The following ITGA7 variants were observed in gnomAD, a reference collection of about 807,000 sequenced individuals.
The protein encoded by ITGA7 is integrin subunit alpha 7, also known as integrin alpha-7.
A neutral mutation model predicts 131.6 loss-of-function variants in ITGA7; 84 were observed. The ratio of observed to expected loss-of-function variants is 0.64; its 90% CI spans 0.54 to 0.77. The LOEUF is 0.77. ITGA7 is among the 30% of genes least tolerant of loss of function. The pLI, the probability that ITGA7 is intolerant of heterozygous loss-of-function variation, is 0.00. For synonymous variants in ITGA7, 548 were observed against 600.7 expected (o/e 0.91, Z 1.28); for missense variants, 1,399 against 1,482.9 (o/e 0.94, Z 0.93).
chr12:55,693,937 C>T, intron 19 of ITGA7, 84 bp downstream of exon 19: 1 of 1,125,694 alleles, frequency 8.9e-7, no homozygotes, highest in Non-Finnish European at 1.3e-6. Context: ...GTAGAAGAGC[C>T]CCAGCCCTGG....
chr12:55,702,265 C>T (rs1472486560), intron 3 of ITGA7, among the ~76,000 whole-genome samples: 2 of 152,086 alleles, frequency 1.3e-5, no homozygotes, highest in Non-Finnish European at 2.9e-5. Flanking sequence ...CTGCAAGCTC[C>T]GCCTCTCCGG....
In ITGA7 at chr12:55,693,260, A is replaced by ATCT. The variant is rs1240535138; in HGVS notation, c.2592_2593insAGA (p.Met864_Trp865insArg). 6.2e-7 allele frequency: 1 copy of ATCT among 1,614,072 alleles called. No individual in the cohort carries two copies. Among genetic ancestry groups the ATCT allele is most frequent in the Middle Eastern group, 1.6e-4 (1 of 6,062 alleles). On this transcript the variant is annotated inframe_insertion, in exon 20 of 25. Coordinates refer to ENST00000257879, the MANE Select transcript of ITGA7 (RefSeq NM_002206.3). ...TTCCCATTGGCAATCTCATGAGGCCACATGATGTTGAGGAAGGCAGAGCCC... is the reference window on the plus strand; with the variant it reads ...TTCCCATTGGCAATCTCATGAGGCCATCTCATGATGTTGAGGAAGGCAGAGCCC...
chr12:55,702,240 C>T (rs532455909), intron 3 of ITGA7, among the ~76,000 whole-genome samples: 1 of 150,570 alleles, frequency 6.6e-6, no homozygotes. Context: ...AGCGCAGTGG[C>T]GCGATCTCAG....
intron 4 of ITGA7, 24 bp downstream of exon 4, chr12:55,700,875 T>C (rs752405760): frequency 6.2e-7 from 1 of 1,614,046 alleles, no homozygotes; most frequent in African/African-American, 1.3e-5. Context: ...GGTCCCCTTC[T>C]CCCCTTCCCG....
chr12:55,700,346 G>A, intron 4 of ITGA7: 1 of 1,610,782 alleles, frequency 6.2e-7, no homozygotes, highest in African/African-American at 1.3e-5. Flanking sequence ...TCGTCCAGGT[G>A]TGCCAGGTCC....
intron 14 of ITGA7, 76 bp from the exon 15 acceptor site, chr12:55,695,046 A>T: frequency 1.4e-6 from 2 of 1,411,192 alleles, no homozygotes; most frequent in Non-Finnish European, 1.9e-6. Flanking sequence ...CTGCTCCCCC[A>T]GTACCTGCCT....
In ITGA7 at chr12:55,697,687, G is replaced by A; in HGVS notation, c.1409+8C>T. The A allele has an allele frequency of 7.4e-6, 12 of 1,614,112 alleles. No individual in the cohort carries two copies. Among genetic ancestry groups the A allele is most frequent in the Non-Finnish European group, 9.3e-6 (11 of 1,180,000 alleles). On this transcript the variant is annotated splice_region_variant and intron_variant, in intron 9 of 24. Coordinates refer to ENST00000257879, the MANE Select transcript of ITGA7 (RefSeq NM_002206.3). ...CCTCAGGGAGGGAAAAGGTTGAGAG[G>A]GGCTCACCTGAAGAGCACTGCGGTG...
chr12:55,701,259 T>TCACATGCACATGCACATG lies in ITGA7; in HGVS notation c.415-123_415-106dup, dbSNP rs373790389. 5 of 1,562,456 alleles carry TCACATGCACATGCACATG rather than the reference T, an allele frequency of 3.2e-6. No homozygotes were observed. In the African/African-American group the frequency reaches 6.9e-5, roughly 22 times the overall value. ...TTGGCAGATACTGATACATGTGTGC[T>TCACATGCACATGCACATG]CACATGCACATGCACATGCACACAT... On this transcript the variant is annotated intron_variant, in intron 3 of 24. Transcript: ENST00000257879.
intron 21 of ITGA7, among the ~76,000 whole-genome samples, chr12:55,691,971 A>G (rs1407508708): frequency 6.6e-6 from 1 of 152,202 alleles, no homozygotes; most frequent in Non-Finnish European, 1.5e-5. Flanking sequence ...GGAGGGGCAC[A>G]GAGCATGTGC....
chr12:55,708,432 C>T (rs974906555), upstream of ITGA7, among the ~76,000 whole-genome samples: 12 of 152,028 alleles, frequency 7.9e-5, no homozygotes, highest in Non-Finnish European at 1.3e-4. Context: ...TCCCCCGCCC[C>T]CAGCCCGGCA....
At chr12:55,693,540 T>C (rs1411012741) in intron 19 of ITGA7, among the ~76,000 whole-genome samples, 2 of 151,124 alleles carry the variant, frequency 1.3e-5, no homozygotes, top group Non-Finnish European at 3.0e-5. Flanking sequence ...TCCACAGAGA[T>C]GGAAGGAACA....
upstream of ITGA7, among the ~76,000 whole-genome samples, chr12:55,708,770 C>T (rs560748798): frequency 6.6e-5 from 10 of 152,288 alleles, no homozygotes; most frequent in Admixed American, 5.9e-4. Flanking sequence ...CGTCCCAGGA[C>T]TGCACATTTC....
At chr12:55,699,767 T>C (rs1873534761) in intron 5 of ITGA7, 103 bp downstream of exon 5, 4 of 1,367,068 alleles carry the variant, frequency 2.9e-6, no homozygotes, top group African/African-American at 1.4e-5. Context: ...TGGGTGTGTG[T>C]TGGGGGAGGA....
In ITGA7 at chr12:55,707,695, G is replaced by C. The variant is rs1362076899; in HGVS notation, c.-13C>G. 1.9e-6 allele frequency: 3 copies of C among 1,561,574 alleles called. No individual in the cohort carries two copies. The highest frequency in any genetic ancestry group is 2.6e-6 in the Non-Finnish European group (3 of 1,152,708). On this transcript the variant is annotated 5_prime_UTR_variant, in exon 1 of 25. Transcript: ENST00000257879. ...GAGCCCCGGCCATGGGACGATCCCT[G>C]CGCGAGCTCCCAGCGAATGCAAGGG...
chr12:55,690,724 A>G (rs1299479266), intron 21 of ITGA7, among the ~76,000 whole-genome samples: 1 of 148,438 alleles, frequency 6.7e-6, no homozygotes, highest in African/African-American at 2.5e-5. Flanking sequence ...AACCAACCCA[A>G]ATGTCCAACA....
At chr12:55,692,243 C>T (rs1871581834) in intron 21 of ITGA7, among the ~76,000 whole-genome samples, 2 of 152,082 alleles carry the variant, frequency 1.3e-5, no homozygotes, top group Admixed American at 1.3e-4. Context: ...ATGGTGAAAC[C>T]CCGTCTCTAC....
At position 55,707,819 on chromosome 12, in the gene ITGA7, A is replaced by AGGGCC; in HGVS notation, c.-138_-137insGGCCC. ...ACGTCTCCCAGACGTTCGCCCCGCC[A>AGGGCC]GCCCTCCCGCCCGCCCGCCGCTCCG... On this transcript the variant is annotated 5_prime_UTR_variant, in exon 1 of 25. Transcript: ENST00000257879. The AGGGCC allele has an allele frequency of 1.4e-6, 2 of 1,380,076 alleles. No individual in the cohort carries two copies. The highest frequency in any genetic ancestry group is 1.9e-6 in the Non-Finnish European group (2 of 1,050,514). The allele number at this position is 1,380,076 out of a possible 1,614,324, so 85.5% of individuals were successfully genotyped here.
intron 3 of ITGA7, 143 bp from the exon 4 acceptor site, chr12:55,701,297 C>T: frequency 1.3e-6 from 2 of 1,563,252 alleles, no homozygotes; most frequent in Admixed American, 1.8e-5. Flanking sequence ...ACACACACCC[C>T]TATGCCGGCA....
upstream of ITGA7, chr12:55,716,373 G>T (rs1023431320): frequency 1.4e-6 from 2 of 1,434,912 alleles, no homozygotes; most frequent in African/African-American, 2.9e-5. Flanking sequence ...CTTGCCAACT[G>T]GCTCCGGTCC....
Sources: gnomAD v4.1 joint callset for allele counts (sites outside exome capture counted in the v4.1 genomes callset) on GRCh38, gnomAD v4.1.1 for gene constraint, MANE v1.5 for transcripts, NCBI Gene and HGNC (gene_info 2026-07-23, HGNC 2026-07-21) for gene names.